Variants in SCFD1 observed in about 807,000 individuals in gnomAD.
SCFD1 encodes the protein sec1 family domain-containing protein 1.
SCFD1 carries 37 observed loss-of-function variants against 103.2 expected under a neutral mutation model. The observed-to-expected ratio is 0.36, with a 90% confidence interval of 0.28 to 0.47. The LOEUF is 0.47. Among genes scored for constraint, SCFD1 ranks in the 20% least tolerant of loss-of-function variants. The pLI is 1.00. For missense variants in SCFD1, 639 were observed against 761.2 expected (o/e 0.84, Z 1.89); for synonymous variants, 264 against 245.0 (o/e 1.08, Z -0.73).
chr14:30,729,174 T>C (rs901208854), intron 23 of SCFD1, among the ~76,000 whole-genome samples: 2 of 152,188 alleles, frequency 1.3e-5, no homozygotes, highest in Non-Finnish European at 2.9e-5. Flanking sequence ...GATTTCCAGA[T>C]TTTTTCCCCC....
At chr14:30,656,415 C>T (rs977104361) in intron 10 of SCFD1, among the ~76,000 whole-genome samples, 12 of 152,186 alleles carry the variant, frequency 7.9e-5, no homozygotes, top group South Asian at 4.2e-4. Flanking sequence ...GCATTATTGA[C>T]GTTTTGGACC....
chr14:30,682,299 C>T (rs1032029579), intron 14 of SCFD1, among the ~76,000 whole-genome samples: 1 of 152,168 alleles, frequency 6.6e-6, no homozygotes, highest in African/African-American at 2.4e-5. Context: ...GAATTTTGTT[C>T]AAGATTCCTA....
At chr14:30,721,438 C>A (rs143260813) in intron 21 of SCFD1, among the ~76,000 whole-genome samples, 2 of 151,968 alleles carry the variant, frequency 1.3e-5, no homozygotes, top group African/African-American at 4.8e-5. Context: ...CTCCCTTCCC[C>A]ATTTGCTTCC....
chr14:30,673,859 G>A lies in SCFD1; in HGVS notation c.1087-65G>A, dbSNP rs568269248. 7 of 1,057,644 alleles carry A rather than the reference G, an allele frequency of 6.6e-6. No individual in the cohort carries two copies. In the African/African-American group the frequency reaches 1.1e-4, roughly 16 times the overall value. The allele number at this position is 1,057,644 out of a possible 1,614,324, so 65.5% of individuals were successfully genotyped here. A position where few individuals can be genotyped will look rare whatever the true frequency, so the allele number is the denominator to read the frequency against. ...AGGATATTTGCTCCAATCTTAGGAT[G>A]TGTTGATTTTTATGCTTGTGCCTGG... On this transcript the variant is annotated intron_variant, in intron 12 of 24. Transcript: ENST00000458591.
rs1287311166 is a variant in SCFD1, at chr14:30,707,981, C to T, written c.1554-9C>T. ...CTTAGAATGGTCCTTCTCTTTTGCC[C>T]CTACCTAGTCTTTTATCACGAGTCA... On this transcript the variant is annotated splice_polypyrimidine_tract_variant and intron_variant, in intron 18 of 24. Transcript: ENST00000458591. The T allele has an allele frequency of 1.2e-6, 2 of 1,603,366 alleles. No individual in the cohort carries two copies. The highest frequency in any genetic ancestry group is 1.7e-6 in the Non-Finnish European group (2 of 1,170,576).
At chr14:30,650,497 C>T (rs977470585) in intron 8 of SCFD1, 68 bp from the exon 9 acceptor site, 7 of 899,538 alleles carry the variant, frequency 7.8e-6, no homozygotes, top group Non-Finnish European at 1.2e-5. Flanking sequence ...ACTAAAAACA[C>T]ATTTTGAATT....
intron 5 of SCFD1, 33 bp from the exon 6 acceptor site, chr14:30,639,744 G>T: frequency 6.5e-7 from 1 of 1,533,902 alleles, no homozygotes; most frequent in Non-Finnish European, 8.8e-7. Flanking sequence ...TATATTGTAA[G>T]ATTGATTTGT....
At chr14:30,719,425 A>G (rs1446723575) in intron 21 of SCFD1, 48 bp downstream of exon 21, 3 of 1,384,536 alleles carry the variant, frequency 2.2e-6, no homozygotes, top group Non-Finnish European at 3.0e-6. Flanking sequence ...TCCCCTCGAG[A>G]ATGGAAATAA....
At chr14:30,639,004 C>G (rs1885009832) in intron 5 of SCFD1, among the ~76,000 whole-genome samples, 2 of 152,096 alleles carry the variant, frequency 1.3e-5, no homozygotes, top group African/African-American at 2.4e-5. Context: ...AGGCTTATGC[C>G]TTTAATCTTT....
At chr14:30,703,073 T>TG (rs1190882876) in intron 17 of SCFD1, among the ~76,000 whole-genome samples, 2 of 151,606 alleles carry the variant, frequency 1.3e-5, no homozygotes, top group Non-Finnish European at 2.9e-5. Flanking sequence ...AAAAAAAAAT[T>TG]ATAACACTCT....
rs746768454 is a variant in SCFD1 at position 30,674,954 on chromosome 14, G to A, written c.1161-30G>A. The A allele has an allele frequency of 8.8e-6, 12 of 1,356,300 alleles. 2 individuals carry two copies. The South Asian group carries it at 1.6e-4, about 18-fold the overall frequency. The allele number at this position is 1,356,300 out of a possible 1,614,324, so 84.0% of individuals were successfully genotyped here. A position where few individuals can be genotyped will look rare whatever the true frequency, so the allele number is the denominator to read the frequency against. On this transcript the variant is annotated intron_variant, in intron 13 of 24. Transcript: ENST00000458591. The stretch of plus-strand genomic sequence containing the variant: ...TCTATGTCATTTTAGAAAATTTATT[G>A]GTTAATATTTAATTTTTTGATACTT...
In SCFD1 at chr14:30,622,353, G is replaced by T. The variant is rs775056918; in HGVS notation, c.15G>T (p.Ala5=). 6.4e-7 allele frequency: 1 copy of T among 1,568,396 alleles called. No individual in the cohort carries two copies. Among genetic ancestry groups the T allele is most frequent in the South Asian group, 1.2e-5 (1 of 85,760 alleles). MAAA[A]AATAAAAASI... ...TGGGAGCCAAGATGGCGGCGGCGGC[G>T]GCAGCGACAGCAGCAGCAGCAGCCA... Residue 5 remains alanine (A), a synonymous_variant, in exon 1 of 25, where the codon GCG becomes GCT. Coordinates refer to ENST00000458591, the MANE Select transcript of SCFD1 (RefSeq NM_016106.4).
At chr14:30,721,745 A>T in intron 21 of SCFD1, 139 bp from the exon 22 acceptor site, 1 of 693,312 alleles carries the variant, frequency 1.4e-6, no homozygotes, top group South Asian at 1.8e-5. Flanking sequence ...AAATTAAAGG[A>T]CCCACCCCTC....
intron 18 of SCFD1, chr14:30,707,784 TA>T (rs1294962462): frequency 1.4e-5 from 9 of 624,596 alleles, no homozygotes; most frequent in African/African-American, 1.3e-4. Flanking sequence ...CAGAGTATTT[TA>T]ATTACTATTT....
intron 19 of SCFD1, among the ~76,000 whole-genome samples, chr14:30,713,476 A>G (rs1204416714): frequency 6.6e-6 from 1 of 152,184 alleles, no homozygotes; most frequent in Non-Finnish European, 1.5e-5. Context: ...AATTTTTCTC[A>G]TGTTACTTAA....
intron 23 of SCFD1, among the ~76,000 whole-genome samples, chr14:30,730,070 C>T (rs1893339387): frequency 1.3e-5 from 2 of 152,326 alleles, no homozygotes; most frequent in Middle Eastern, 3.4e-3. Context: ...CAAGTGTTCT[C>T]ATTGTTCATT....
chr14:30,719,276 T>C, intron 20 of SCFD1, 49 bp from the exon 21 acceptor site: 2 of 1,220,522 alleles, frequency 1.6e-6, no homozygotes, highest in Non-Finnish European at 2.4e-6. Context: ...AAACTGACCT[T>C]CTGAAGAGAA....
At chr14:30,703,949 ATATATATATATATAAAT>A (rs1566645923) in intron 17 of SCFD1, among the ~76,000 whole-genome samples, 38 of 58,440 alleles carry the variant, frequency 6.5e-4, no homozygotes, top group South Asian at 1.5e-3. Flanking sequence ...ATATATATAT[ATATATATATATATAAAT>A]AATGAGATAT....
chr14:30,700,927 C>CG (rs1481359130), intron 16 of SCFD1, among the ~76,000 whole-genome samples: 1 of 152,180 alleles, frequency 6.6e-6, no homozygotes, highest in Non-Finnish European at 1.5e-5. Context: ...TGTTTTAAAA[C>CG]TAATGTCCAA....
Sources: gnomAD v4.1 joint callset for allele counts (sites outside exome capture counted in the v4.1 genomes callset) on GRCh38, gnomAD v4.1.1 for gene constraint, MANE v1.5 for transcripts, NCBI Gene and HGNC (gene_info 2026-07-23, HGNC 2026-07-21) for gene names.